The following LCK variants were observed in gnomAD, a reference collection of about 807,000 sequenced individuals.
LCK encodes the protein tyrosine-protein kinase Lck.
A neutral mutation model predicts 64.6 loss-of-function variants in LCK; 14 were observed. The ratio of observed to expected loss-of-function variants is 0.22; its 90% CI spans 0.14 to 0.34. LCK has a LOEUF of 0.34. LCK is among the 10% of genes least tolerant of loss of function. LCK has a pLI of 1.00. For synonymous variants in LCK, 277 were observed against 263.6 expected, an observed-to-expected ratio of 1.05 and a Z score of -0.49; for missense variants, 434 against 668.1, an observed-to-expected ratio of 0.65 and a Z score of 3.86.
At chr1:32,265,374 C>T (rs1639881772) in intron 1 of LCK, among the ~76,000 whole-genome samples, 1 of 152,206 alleles carries the variant, frequency 6.6e-6, no homozygotes, top group African/African-American at 2.4e-5. Context: ...AGGCTGGGAG[C>T]CTCTGACTAC....
At chr1:32,271,000 C>CA (rs1640065858) in intron 1 of LCK, among the ~76,000 whole-genome samples, 1 of 143,152 alleles carries the variant, frequency 7.0e-6, no homozygotes, top group African/African-American at 2.7e-5. Flanking sequence ...CCGCGCCTGG[C>CA]CTTTTTTTTT....
At chr1:32,272,914 CTG>C (rs751636162) in intron 1 of LCK, among the ~76,000 whole-genome samples, 68 of 128,910 alleles carry the variant, frequency 5.3e-4, no homozygotes, top group African/African-American at 1.9e-3. Flanking sequence ...GTGGAGGTGC[CTG>C]TGTGTGTGTA....
At chr1:32,257,000 G>A (rs924962818) in intron 1 of LCK, among the ~76,000 whole-genome samples, 1 of 152,114 alleles carries the variant, frequency 6.6e-6, no homozygotes, top group African/African-American at 2.4e-5. Context: ...AAATCATGAA[G>A]GAAAATGAAA....
In LCK at chr1:32,281,449, G is replaced by T. The variant is rs1309242101; in HGVS notation, c.1327+1239G>T. 4.0e-5 allele frequency among the ~76,000 whole-genome samples: 5 copies of T among 126,356 alleles called. No homozygotes were observed. In the East Asian group the frequency reaches 8.9e-4, roughly 23 times the overall value. 82.9% of individuals were successfully genotyped at this position (126,356 alleles called of 152,430 possible). A position where few individuals can be genotyped will look rare whatever the true frequency, so the allele number is the denominator to read the frequency against. On this transcript the variant is annotated intron_variant, in intron 12 of 12. Transcript: ENST00000336890. ...CACTCCAGCCTGAGCAACAGAGAGA[G>T]AATTTGTCTCAAAAAAAAAAAAAAA...
Position 32,285,845 on chromosome 1 carries a change from A to T in LCK, c.*129A>T. The T allele has an allele frequency of 1.0e-5, 9 of 893,960 alleles. No homozygotes were observed. The highest frequency in any genetic ancestry group is 1.6e-5 in the Non-Finnish European group (9 of 577,710). The allele number at this position is 893,960 out of a possible 1,614,324, so 55.4% of individuals were successfully genotyped here. ...TGCACATGAATCCCACCCACATGTG[A>T]CACATATGCACCTTGTGTCTGTACA... On this transcript the variant is annotated 3_prime_UTR_variant, in exon 13 of 13. Coordinates refer to ENST00000336890, the MANE Select transcript of LCK (RefSeq NM_005356.5).
Position 32,275,283 on chromosome 1 carries a change from G to A in LCK, c.279-38G>A, listed in dbSNP as rs749139199. On this transcript the variant is annotated intron_variant, in intron 4 of 12. Coordinates refer to ENST00000336890, the MANE Select transcript of LCK (RefSeq NM_005356.5). This position sits in a 1 kb window ranked among gnomAD's most constrained non-coding sequence, Gnocchi z 6.9. ...CTTTGAGGGAGGGTCTCAGGTCGAC[G>A]GCTGAGCGAGCCACACTGACCCACC... 1.2e-6 allele frequency: 2 copies of A among 1,605,210 alleles called. No individual in the cohort carries two copies. Among genetic ancestry groups the A allele is most frequent in the Middle Eastern group, 1.7e-4 (1 of 5,974 alleles).
chr1:32,252,825 A>G lies in LCK; in HGVS notation c.-6+1454A>G, dbSNP rs116241843. Among the ~76,000 whole-genome samples, 775 of 152,220 alleles carry G rather than the reference A, an allele frequency of 5.1e-3. 5 individuals are homozygous for G. Among genetic ancestry groups the G allele is most frequent in the African/African-American group, 0.018 (744 of 41,528 alleles). ...GAGTCAAGACAGTTCTGAGAAGGAG[A>G]AAGACCCATTTTCAAGAGTGCGTAG... On this transcript the variant is annotated intron_variant, in intron 1 of 12. Coordinates refer to ENST00000336890, the MANE Select transcript of LCK (RefSeq NM_005356.5).
At chr1:32,254,914 C>T (rs1160877996) in intron 1 of LCK, among the ~76,000 whole-genome samples, 2 of 152,012 alleles carry the variant, frequency 1.3e-5, no homozygotes, top group African/African-American at 2.4e-5. Context: ...TTTGGGGGGC[C>T]GTGATGGGAG....
At chr1:32,283,264 G>A (rs1186715819) in intron 12 of LCK, among the ~76,000 whole-genome samples, 1 of 148,556 alleles carries the variant, frequency 6.7e-6, no homozygotes, top group African/African-American at 2.5e-5. Flanking sequence ...ACTCCAGCCT[G>A]GGCAACAGAG....
chr1:32,263,483 T>C (rs1027210376), intron 1 of LCK, among the ~76,000 whole-genome samples: 5 of 151,950 alleles, frequency 3.3e-5, no homozygotes, highest in Admixed American at 1.3e-4. Context: ...ATGCCTGCCA[T>C]CCCAACACTT....
intron 1 of LCK, among the ~76,000 whole-genome samples, chr1:32,257,761 G>T (rs569253872): frequency 6.6e-6 from 1 of 152,276 alleles, no homozygotes; most frequent in East Asian, 1.9e-4. Context: ...AGCGGACTCA[G>T]TAAAAGGGAT....
chr1:32,285,903 T>TA lies in LCK; in HGVS notation c.*187_*188insA. ...TGTAGTTGCGTGGACTCTGCACATGTCTTGTACATGTGTAGCCTGTGCATG... is the reference window on the plus strand; with the variant it reads ...TGTAGTTGCGTGGACTCTGCACATGTACTTGTACATGTGTAGCCTGTGCATG... On this transcript the variant is annotated 3_prime_UTR_variant, in exon 13 of 13. Coordinates refer to ENST00000336890, the MANE Select transcript of LCK (RefSeq NM_005356.5). The TA allele has an allele frequency of 1.6e-6, 1 of 632,490 alleles. No individual in the cohort carries two copies. The highest frequency in any genetic ancestry group is 2.8e-6 in the Non-Finnish European group (1 of 359,110). The allele number at this position is 632,490 out of a possible 1,614,324, so 39.2% of individuals were successfully genotyped here. A position where few individuals can be genotyped will look rare whatever the true frequency, so the allele number is the denominator to read the frequency against.
intron 12 of LCK, among the ~76,000 whole-genome samples, chr1:32,280,653 C>T (rs1010615248): frequency 6.6e-6 from 1 of 151,880 alleles, no homozygotes; most frequent in East Asian, 1.9e-4. Flanking sequence ...GACAGGGTTT[C>T]ACCATGTTAG....
chr1:32,259,297 A>AAAAG (rs971539026), intron 1 of LCK, among the ~76,000 whole-genome samples: 16 of 150,250 alleles, frequency 1.1e-4, no homozygotes, highest in Non-Finnish European at 1.5e-4. Context: ...GGTAAAAAAA[A>AAAAG]AAAAAGAAAA....
intron 9 of LCK, among the ~76,000 whole-genome samples, chr1:32,277,557 A>G (rs532661774): frequency 3.9e-5 from 6 of 152,126 alleles, no homozygotes; most frequent in Non-Finnish European, 8.8e-5. Context: ...TGAGAGCCCC[A>G]GGAAGAGGAA....
chr1:32,264,773 C>A (rs1019018482), intron 1 of LCK, among the ~76,000 whole-genome samples: 30 of 151,952 alleles, frequency 2.0e-4, no homozygotes, highest in Admixed American at 1.1e-3. Context: ...AAAAATTTTT[C>A]TTTTAATAGA....
intron 1 of LCK, among the ~76,000 whole-genome samples, chr1:32,263,790 A>C (rs1007623059): frequency 6.6e-6 from 1 of 152,276 alleles, no homozygotes; most frequent in Non-Finnish European, 1.5e-5. Flanking sequence ...ATGGGCCTGC[A>C]GTCCCCACTA....
At chr1:32,274,701 T>C (rs201670422) in intron 2 of LCK, 36 bp from the exon 3 acceptor site, 25 of 1,513,974 alleles carry the variant, frequency 1.7e-5, no homozygotes, top group Non-Finnish European at 2.2e-5. Context: ...CCCAATCTTC[T>C]GCTTTCTGAC....
chr1:32,270,207 C>A (rs1640038242), intron 1 of LCK, among the ~76,000 whole-genome samples: 1 of 151,554 alleles, frequency 6.6e-6, no homozygotes, highest in Non-Finnish European at 1.5e-5. Flanking sequence ...GCAACCTCCA[C>A]CTCTTGAGTT....
Sources: allele counts gnomAD v4.1 joint callset (sites outside exome capture counted in the v4.1 genomes callset), GRCh38; gene constraint gnomAD v4.1.1; non-coding constraint Gnocchi (gnomAD v3.1); transcripts MANE v1.5; gene names NCBI Gene and HGNC (gene_info 2026-07-23, HGNC 2026-07-21).